NR2F1-AS1: variants seen among roughly 807,000 people sequenced by gnomAD.
NR2F1-AS1 encodes NR2F1 antisense RNA 1.
At chr5:93,452,178 A>G (rs1749845336) in intron 4 of NR2F1-AS1, among the ~76,000 whole-genome samples, 1 of 152,216 alleles carries the variant, frequency 6.6e-6, no homozygotes, top group Non-Finnish European at 1.5e-5. Flanking sequence ...AGAAGTACAA[A>G]AAAAAACACT....
At chr5:93,476,062 C>A (rs1750478379) in intron 4 of NR2F1-AS1, among the ~76,000 whole-genome samples, 1 of 152,194 alleles carries the variant, frequency 6.6e-6, no homozygotes, top group Non-Finnish European at 1.5e-5. Flanking sequence ...GATTACAGTT[C>A]ATTTAAGGGA....
upstream of NR2F1-AS1, among the ~76,000 whole-genome samples, chr5:93,582,461 T>G: frequency 6.6e-6 from 1 of 152,068 alleles, no homozygotes; most frequent in Non-Finnish European, 1.5e-5. Flanking sequence ...AATAGGGAGA[T>G]CCTACCCTGT....
At chr5:93,512,210 C>T (rs757567792) in intron 4 of NR2F1-AS1, among the ~76,000 whole-genome samples, 1 of 152,050 alleles carries the variant, frequency 6.6e-6, no homozygotes, top group Admixed American at 6.6e-5. Flanking sequence ...ATTGATGATC[C>T]TAACCATGGG....
rs1455398523 is a variant in NR2F1-AS1 at position 93,554,687 on chromosome 5, G to A, written n.535+187C>T. On this transcript the variant is annotated intron_variant and non_coding_transcript_variant, in intron 3 of 5. Coordinates refer to ENST00000660523, the Ensembl canonical transcript of NR2F1-AS1. ...ATGATGAGCAAGGCACTATTTAGAG[G>A]TTCTGTGAACAAGTATAAAAATAAC... is the stretch of plus-strand genomic sequence containing the variant. 2.6e-5 allele frequency among the ~76,000 whole-genome samples: 4 copies of A among 152,234 alleles called. No homozygotes were observed. The East Asian group carries it at 5.8e-4, about 22-fold the overall frequency.
chr5:93,468,419 G>T (rs1463938914), intron 4 of NR2F1-AS1, among the ~76,000 whole-genome samples: 3 of 152,110 alleles, frequency 2.0e-5, no homozygotes, highest in Non-Finnish European at 4.4e-5. Flanking sequence ...AGCATTTTTT[G>T]ATGTGTCTGT....
At chr5:93,559,133 G>C (rs1393493409) in intron 2 of NR2F1-AS1, among the ~76,000 whole-genome samples, 1 of 152,220 alleles carries the variant, frequency 6.6e-6, no homozygotes, top group African/African-American at 2.4e-5. Flanking sequence ...CTGAAAATAT[G>C]TTGTTTGTTG....
At chr5:93,467,207 C>T (rs1426674045) in intron 4 of NR2F1-AS1, among the ~76,000 whole-genome samples, 1 of 152,072 alleles carries the variant, frequency 6.6e-6, no homozygotes, top group African/African-American at 2.4e-5. Context: ...TCCATATTGC[C>T]CAAAGTAATT....
At chr5:93,565,350 G>A (rs1436396867) in intron 1 of NR2F1-AS1, among the ~76,000 whole-genome samples, 1 of 152,084 alleles carries the variant, frequency 6.6e-6, no homozygotes, top group East Asian at 1.9e-4. Flanking sequence ...AGTCATAGGT[G>A]ATAAGATTAA....
At chr5:93,476,667 C>T (rs1041495399) in intron 4 of NR2F1-AS1, among the ~76,000 whole-genome samples, 2 of 152,148 alleles carry the variant, frequency 1.3e-5, no homozygotes. Context: ...GGAGAACCAT[C>T]TGACATGAAT....
intron 1 of NR2F1-AS1, among the ~76,000 whole-genome samples, chr5:93,571,798 C>T (rs1036733964): frequency 1.3e-5 from 2 of 151,582 alleles, no homozygotes; most frequent in East Asian, 2.0e-4. Flanking sequence ...CTTGCAAAAC[C>T]TGCTAGGGAC....
intron 4 of NR2F1-AS1, among the ~76,000 whole-genome samples, chr5:93,478,520 C>T (rs893798311): frequency 2.0e-4 from 30 of 152,168 alleles, no homozygotes; most frequent in African/African-American, 7.0e-4. Context: ...TATCCTGCTT[C>T]AGCCTCCTGA....
At chr5:93,578,565 T>C (rs1447275912) in intron 1 of NR2F1-AS1, among the ~76,000 whole-genome samples, 1 of 152,128 alleles carries the variant, frequency 6.6e-6, no homozygotes, top group African/African-American at 2.4e-5. Flanking sequence ...TGAGCCCCTG[T>C]GGGCCTGGCT....
chr5:93,546,957 T>C (rs1256185830), intron 4 of NR2F1-AS1, among the ~76,000 whole-genome samples: 4 of 152,176 alleles, frequency 2.6e-5, no homozygotes, highest in Non-Finnish European at 5.9e-5. Flanking sequence ...TCTTATCCCA[T>C]GAGTTGAAGG....
At chr5:93,555,902 CTT>C (rs1263013832) in intron 2 of NR2F1-AS1, among the ~76,000 whole-genome samples, 1 of 152,122 alleles carries the variant, frequency 6.6e-6, no homozygotes, top group Non-Finnish European at 1.5e-5. Flanking sequence ...TGTTTTTCTT[CTT>C]GTCATTGATA....
At chr5:93,504,227 T>G (rs1247847161) in intron 4 of NR2F1-AS1, among the ~76,000 whole-genome samples, 1 of 152,220 alleles carries the variant, frequency 6.6e-6, no homozygotes, top group Non-Finnish European at 1.5e-5. Flanking sequence ...TATAAGTCCA[T>G]GTCATTTATA....
chr5:93,509,256 T>C (rs1283399625), intron 4 of NR2F1-AS1, among the ~76,000 whole-genome samples: 1 of 152,058 alleles, frequency 6.6e-6, no homozygotes, highest in Non-Finnish European at 1.5e-5. Flanking sequence ...TATGTTAAGT[T>C]TAAGAATATG....
chr5:93,438,520 T>G (rs1452911296), intron 4 of NR2F1-AS1, among the ~76,000 whole-genome samples: 2 of 152,176 alleles, frequency 1.3e-5, no homozygotes, highest in East Asian at 3.9e-4. Flanking sequence ...CCCCACTACT[T>G]TAACCCTAGT....
chr5:93,564,815 G>A (rs1023758481), intron 1 of NR2F1-AS1, among the ~76,000 whole-genome samples: 4 of 152,108 alleles, frequency 2.6e-5, no homozygotes, highest in Non-Finnish European at 4.4e-5. Context: ...AGAGTAAGAA[G>A]CCTATTGAAA....
intron 4 of NR2F1-AS1, among the ~76,000 whole-genome samples, chr5:93,519,676 T>C (rs1411124927): frequency 1.3e-5 from 2 of 152,028 alleles, no homozygotes; most frequent in African/African-American, 4.8e-5. Context: ...AGAATCACCA[T>C]GTCTGCTGCT....
Sources: allele counts gnomAD v4.1 joint callset (sites outside exome capture counted in the v4.1 genomes callset), GRCh38; gene constraint gnomAD v4.1.1; transcripts MANE v1.5; gene names NCBI Gene and HGNC (gene_info 2026-07-23, HGNC 2026-07-21).